Variants in PCDH15 observed in about 807,000 individuals in gnomAD.
PCDH15 encodes protocadherin related 15.
In PCDH15, 129 loss-of-function variants were observed where a neutral mutation model predicts 178.5. The ratio of observed to expected loss-of-function variants is 0.72; its 90% CI spans 0.63 to 0.84. The LOEUF is 0.84. Ranked by LOEUF, PCDH15 falls within the 40% of genes least tolerant of loss-of-function variation. PCDH15 has a pLI of 0.00. For synonymous variants in PCDH15, 800 were observed against 732.0 expected (o/e 1.09, Z -1.50); for missense variants, 2,230 against 2,099.9 (o/e 1.06, Z -1.21).
intron 2 of PCDH15, among the ~76,000 whole-genome samples, chr10:54,576,289 G>A (rs1394465339): frequency 6.6e-6 from 1 of 152,094 alleles, no homozygotes. Context: ...AATTAGCATT[G>A]GATATGTAGA....
At chr10:54,074,161 A>G (rs774952495) in intron 17 of PCDH15, among the ~76,000 whole-genome samples, 4 of 152,064 alleles carry the variant, frequency 2.6e-5, no homozygotes, top group Non-Finnish European at 4.4e-5. Context: ...CACCTGCACC[A>G]TCTCTTCACT....
intron 3 of PCDH15, among the ~76,000 whole-genome samples, chr10:54,843,797 T>C (rs142986081): frequency 1.3e-5 from 2 of 152,054 alleles, no homozygotes; most frequent in East Asian, 3.9e-4. Context: ...TTCTGAACAG[T>C]TCCCTGATAC....
chr10:54,681,335 G>A (rs2094895126), intron 1 of PCDH15, among the ~76,000 whole-genome samples: 1 of 152,180 alleles, frequency 6.6e-6, no homozygotes, highest in South Asian at 2.1e-4. Context: ...AAAATTGCCA[G>A]TCATGAAATG....
chr10:54,143,002 C>T (rs2043550714), intron 14 of PCDH15, among the ~76,000 whole-genome samples: 1 of 152,110 alleles, frequency 6.6e-6, no homozygotes. Context: ...ACCTTTGATA[C>T]TCGACAGAAT....
At chr10:54,511,314 A>T (rs1274439993) in intron 3 of PCDH15, among the ~76,000 whole-genome samples, 2 of 152,148 alleles carry the variant, frequency 1.3e-5, no homozygotes, top group African/African-American at 2.4e-5. Context: ...GGTTACAATT[A>T]TTGTCCCCAT....
intron 2 of PCDH15, among the ~76,000 whole-genome samples, chr10:55,442,472 A>T (rs75790096): frequency 1.7e-5 from 1 of 59,396 alleles, no homozygotes; most frequent in Non-Finnish European, 2.8e-5. Flanking sequence ...TATATATATT[A>T]TATATATATT....
rs1342404123 is a variant in PCDH15 at position 53,883,657 on chromosome 10, A to G, written c.3502-16800T>C. Among the ~76,000 whole-genome samples, 3 of 152,338 alleles carry G rather than the reference A, an allele frequency of 2.0e-5. No homozygotes were observed. The East Asian group carries it at 5.8e-4, about 29-fold the overall frequency. ...TATAAATTGTTGTAAAATAACCCCC[A>G]GAGAACACCAACATTACCAAAGCTT... is the stretch of plus-strand genomic sequence containing the variant. On this transcript the variant is annotated intron_variant, in intron 26 of 37. Transcript: ENST00000644397.
intron 2 of PCDH15, among the ~76,000 whole-genome samples, chr10:55,109,877 T>C (rs1038184312): frequency 6.6e-5 from 10 of 151,886 alleles, no homozygotes; most frequent in African/African-American, 2.4e-4. Context: ...AATTACATAA[T>C]GTAAAGAATG....
At chr10:55,266,661 G>C (rs1008599192) in intron 1 of PCDH15, among the ~76,000 whole-genome samples, 4 of 152,148 alleles carry the variant, frequency 2.6e-5, no homozygotes, top group Non-Finnish European at 5.9e-5. Context: ...ATCAGAGGAA[G>C]AACACGCGAG....
Position 54,490,843 on chromosome 10 carries a change from C to T in PCDH15, c.157+36969G>A, listed in dbSNP as rs551225261. Among the ~76,000 whole-genome samples, 5 of 152,168 alleles carry T rather than the reference C, an allele frequency of 3.3e-5. No homozygotes were observed. In the South Asian group the frequency reaches 6.2e-4, roughly 19 times the overall value. On this transcript the variant is annotated intron_variant, in intron 3 of 37. Coordinates refer to ENST00000644397, the MANE Select transcript of PCDH15 (RefSeq NM_001384140.1). ...GTGAAGATATAAAATTAGGAGAGACCATTTTACATAGGTGTATTCCAAAAA... is the reference window on the plus strand; with the variant it reads ...GTGAAGATATAAAATTAGGAGAGACTATTTTACATAGGTGTATTCCAAAAA...
intron 3 of PCDH15, among the ~76,000 whole-genome samples, chr10:54,867,767 A>C (rs1953965840): frequency 6.6e-6 from 1 of 152,124 alleles, no homozygotes; most frequent in African/African-American, 2.4e-5. Flanking sequence ...CATCGAGTTT[A>C]TTTCTGAAGT....
At chr10:54,023,547 C>T (rs2092992577) in intron 18 of PCDH15, among the ~76,000 whole-genome samples, 1 of 148,028 alleles carries the variant, frequency 6.8e-6, no homozygotes, top group Non-Finnish European at 1.5e-5. Context: ...TTAACATAAT[C>T]TGCCGAGTGA....
intron 2 of PCDH15, among the ~76,000 whole-genome samples, chr10:54,577,450 A>G (rs1420028916): frequency 6.6e-6 from 1 of 152,094 alleles, no homozygotes; most frequent in Non-Finnish European, 1.5e-5. Context: ...GCTTTCAAGA[A>G]TAATGTAAAT....
At chr10:54,697,665 AGGGGGAAGG>A (rs1565970496) in intron 1 of PCDH15, among the ~76,000 whole-genome samples, 12 of 25,238 alleles carry the variant, frequency 4.8e-4, no homozygotes, top group South Asian at 2.7e-3. Context: ...AGGAAGGGGA[AGGGGGAAGG>A]GGAAGGGAGG....
At chr10:54,069,689 G>C (rs72794991) in intron 17 of PCDH15, among the ~76,000 whole-genome samples, 32,053 of 152,076 alleles carry the variant, frequency 0.21, 3,590 homozygotes, top group Non-Finnish European at 0.25. Context: ...AAATTAGTTA[G>C]GTGTAAATCA....
At chr10:54,534,438 G>A (rs2084264389) in intron 2 of PCDH15, among the ~76,000 whole-genome samples, 1 of 152,054 alleles carries the variant, frequency 6.6e-6, no homozygotes, top group South Asian at 2.1e-4. Context: ...CCTTGAACTT[G>A]AAGCTTAAAA....
At chr10:55,185,789 T>C (rs1274786418) in intron 1 of PCDH15, among the ~76,000 whole-genome samples, 4 of 151,662 alleles carry the variant, frequency 2.6e-5, no homozygotes, top group African/African-American at 4.8e-5. Context: ...AGGTAATATA[T>C]ATTGAGTTTT....
intron 2 of PCDH15, among the ~76,000 whole-genome samples, chr10:54,566,156 T>C (rs1007755331): frequency 6.6e-6 from 1 of 152,174 alleles, no homozygotes; most frequent in Non-Finnish European, 1.5e-5. Context: ...CAATTTGTGG[T>C]ATAATTTTTT....
intron 2 of PCDH15, among the ~76,000 whole-genome samples, chr10:55,083,781 A>G (rs1842099364): frequency 2.0e-5 from 3 of 151,864 alleles, no homozygotes; most frequent in South Asian, 2.1e-4. Context: ...ACAGCAAACA[A>G]TCTGAAAAAG....
Sources: gnomAD v4.1 joint callset for allele counts (sites outside exome capture counted in the v4.1 genomes callset) on GRCh38, gnomAD v4.1.1 for gene constraint, MANE v1.5 for transcripts, NCBI Gene and HGNC (gene_info 2026-07-23, HGNC 2026-07-21) for gene names.